KCNIP1: variants seen among roughly 807,000 people sequenced by gnomAD.
KCNIP1 encodes the protein A-type potassium channel modulatory protein KCNIP1.
In KCNIP1, 18 loss-of-function variants were observed where a neutral mutation model predicts 33.0. The ratio of observed to expected loss-of-function variants is 0.55; its 90% CI spans 0.38 to 0.81. KCNIP1 has a LOEUF of 0.81. Among genes scored for constraint, KCNIP1 ranks in the 30% least tolerant of loss-of-function variants. The pLI, the probability that KCNIP1 is intolerant of heterozygous loss-of-function variation, is 0.00. For synonymous variants in KCNIP1, 93 were observed against 98.3 expected, an observed-to-expected ratio of 0.95 and a Z score of 0.32; for missense variants, 238 against 271.6, an observed-to-expected ratio of 0.88 and a Z score of 0.87.
chr5:170,602,386 G>GT (rs1758729599), intron 1 of KCNIP1, among the ~76,000 whole-genome samples: 1 of 152,222 alleles, frequency 6.6e-6, no homozygotes, highest in Non-Finnish European at 1.5e-5. Flanking sequence ...GCTGATCCCT[G>GT]GAGCCCTCAG....
chr5:170,482,036 T>C (rs1220639816), intron 1 of KCNIP1, among the ~76,000 whole-genome samples: 1 of 152,244 alleles, frequency 6.6e-6, no homozygotes, highest in Non-Finnish European at 1.5e-5. Flanking sequence ...TCTGATAAGA[T>C]TAACAGAATG....
intron 1 of KCNIP1, among the ~76,000 whole-genome samples, chr5:170,474,190 C>G (rs1461649978): frequency 1.3e-5 from 2 of 152,176 alleles, no homozygotes; most frequent in African/African-American, 4.8e-5. Context: ...GAGACAGCTT[C>G]TATTACCCGA....
At chr5:170,428,281 C>A (rs756377732) in intron 1 of KCNIP1, among the ~76,000 whole-genome samples, 2 of 152,226 alleles carry the variant, frequency 1.3e-5, no homozygotes, top group Non-Finnish European at 2.9e-5. Flanking sequence ...AGGAACGTGA[C>A]AGCCAGAGCA....
intron 1 of KCNIP1, among the ~76,000 whole-genome samples, chr5:170,537,608 C>G (rs932238538): frequency 6.6e-6 from 1 of 152,204 alleles, no homozygotes; most frequent in Non-Finnish European, 1.5e-5. Flanking sequence ...CCCTGCCTTC[C>G]GACTTCAGCT....
chr5:170,732,168 C>T (rs1764229726), intron 5 of KCNIP1, among the ~76,000 whole-genome samples: 1 of 152,130 alleles, frequency 6.6e-6, no homozygotes, highest in Admixed American at 6.5e-5. Flanking sequence ...CTGTAGAAAC[C>T]AGGTCAAACA....
At chr5:170,356,052 A>G (rs563766776) in intron 1 of KCNIP1, among the ~76,000 whole-genome samples, 2 of 152,312 alleles carry the variant, frequency 1.3e-5, no homozygotes, top group African/African-American at 4.8e-5. Flanking sequence ...ATAGTGAGGA[A>G]CATGGGAGCA....
intron 5 of KCNIP1, among the ~76,000 whole-genome samples, chr5:170,724,717 A>G (rs1439623068): frequency 6.6e-6 from 1 of 152,216 alleles, no homozygotes; most frequent in Non-Finnish European, 1.5e-5. Flanking sequence ...TTAAATTAAG[A>G]AAAATAGCAT....
intron 1 of KCNIP1, among the ~76,000 whole-genome samples, chr5:170,479,195 A>G (rs1441299591): frequency 3.9e-5 from 6 of 152,206 alleles, no homozygotes; most frequent in Admixed American, 2.0e-4. Context: ...TCCTGATTAT[A>G]TGGTTTAATA....
chr5:170,677,564 T>C (rs1487120988), intron 1 of KCNIP1, among the ~76,000 whole-genome samples: 1 of 152,180 alleles, frequency 6.6e-6, no homozygotes, highest in African/African-American at 2.4e-5. Context: ...ACTTGGCATT[T>C]GTGATTGTGA....
intron 1 of KCNIP1, among the ~76,000 whole-genome samples, chr5:170,462,264 C>CAAAAAAAAAAAAAAAAAAAAAAAAAACAA (rs760686464): frequency 5.8e-5 from 3 of 52,048 alleles, no homozygotes; most frequent in African/African-American, 1.6e-4. Context: ...AACAAATTAG[C>CAAAAAAAAAAAAAAAAAAAAAAAAAACAA]AAAAAAAAAA....
At position 170,384,105 on chromosome 5, in the gene KCNIP1, C is replaced by G. The variant is rs138991025; in HGVS notation, c.88+30141C>G. On this transcript the variant is annotated intron_variant, in intron 1 of 7. Transcript: ENST00000377360. ...CAACCTTGGCTACTCTTGCAACAACCTGGGGAGCTTCTAAAAAGATTCCCG... is the reference window on the plus strand; with the variant it reads ...CAACCTTGGCTACTCTTGCAACAACGTGGGGAGCTTCTAAAAAGATTCCCG... Among the ~76,000 whole-genome samples the G allele has an allele frequency of 5.4e-4, 83 of 152,316 alleles. No individual in the cohort carries two copies. In the East Asian group the frequency reaches 0.014, roughly 25 times the overall value.
intron 1 of KCNIP1, among the ~76,000 whole-genome samples, chr5:170,438,443 C>T (rs1355908418): frequency 6.6e-6 from 1 of 152,188 alleles, no homozygotes; most frequent in Non-Finnish European, 1.5e-5. Context: ...GGCCTCCTCG[C>T]CACTCCCCTG....
At chr5:170,547,943 C>G (rs1460248573) in intron 1 of KCNIP1, among the ~76,000 whole-genome samples, 1 of 152,198 alleles carries the variant, frequency 6.6e-6, no homozygotes, top group Non-Finnish European at 1.5e-5. Context: ...TGAGAAATCT[C>G]CACGCTGTCT....
chr5:170,652,777 T>A (rs913061921), intron 1 of KCNIP1, among the ~76,000 whole-genome samples: 1 of 152,218 alleles, frequency 6.6e-6, no homozygotes, highest in Non-Finnish European at 1.5e-5. Flanking sequence ...CATATACTTG[T>A]GCCTTTATAT....
rs574420268 is a variant in KCNIP1 at position 170,583,305 on chromosome 5, A to G, written c.61+78672A>G. ...TGTTACCTCTGTATCCTCCAAGTAC[A>G]TGATATACCTCTACAGCTCATCTGC... On this transcript the variant is annotated intron_variant, in intron 1 of 7. Coordinates refer to ENST00000328939, the MANE Select transcript of KCNIP1 (RefSeq NM_014592.4). 3.3e-5 allele frequency among the ~76,000 whole-genome samples: 5 copies of G among 152,316 alleles called. No homozygotes were observed. In the South Asian group the frequency reaches 1.0e-3, roughly 32 times the overall value.
chr5:170,402,588 A>C (rs1275269096), intron 1 of KCNIP1, among the ~76,000 whole-genome samples: 1 of 152,202 alleles, frequency 6.6e-6, no homozygotes, highest in East Asian at 1.9e-4. Context: ...CAGAGAGAGC[A>C]TGTGAATCAT....
At chr5:170,682,368 A>T (rs1482477515) in intron 1 of KCNIP1, among the ~76,000 whole-genome samples, 1 of 152,182 alleles carries the variant, frequency 6.6e-6, no homozygotes, top group Admixed American at 6.5e-5. Flanking sequence ...GGGCAGCCAG[A>T]CTGTGAGTCC....
At chr5:170,376,682 C>T (rs1345039731) in intron 1 of KCNIP1, 1 of 152,142 alleles carries the variant, frequency 6.6e-6, no homozygotes, top group Non-Finnish European at 1.5e-5. Flanking sequence ...CCATCCATGT[C>T]CCTGCAAAGG....
At chr5:170,727,800 G>A (rs765158736) in intron 5 of KCNIP1, among the ~76,000 whole-genome samples, 3 of 152,022 alleles carry the variant, frequency 2.0e-5, no homozygotes, top group Non-Finnish European at 4.4e-5. Flanking sequence ...AATTACCTGG[G>A]TGTAGTGGCA....
Sources: allele counts gnomAD v4.1 joint callset (sites outside exome capture counted in the v4.1 genomes callset), GRCh38; gene constraint gnomAD v4.1.1; transcripts MANE v1.5; gene names NCBI Gene and HGNC (gene_info 2026-07-23, HGNC 2026-07-21).